Variants in RDH13 observed in about 807,000 individuals in gnomAD.
RDH13 encodes the protein retinol dehydrogenase 13.
Under a neutral mutation model 28.3 loss-of-function variants are expected in RDH13, and 35 were observed. That is an observed-to-expected ratio of 1.24 (90% CI 0.95 to 1.64). The LOEUF (loss-of-function observed/expected upper bound fraction) is 1.64. RDH13 is among the 40% of genes most tolerant of loss of function. The pLI, the probability that RDH13 is intolerant of heterozygous loss-of-function variation, is 0.00. For missense variants in RDH13, 514 were observed against 446.3 expected, an observed-to-expected ratio of 1.15 and a Z score of -1.37; for synonymous variants, 229 against 198.5, an observed-to-expected ratio of 1.15 and a Z score of -1.29.
chr19:55,049,213 G>A (rs2075346569), intron 3 of RDH13, among the ~76,000 whole-genome samples: 1 of 152,128 alleles, frequency 6.6e-6, no homozygotes, highest in African/African-American at 2.4e-5. Context: ...AGCAGCTCCA[G>A]GACACTCACA....
chr19:55,044,981 C>G lies in RDH13; in HGVS notation c.*93G>C, dbSNP rs1602695380. ...CATGGCGGCCGCCAGTCCTGGGTCT[C>G]CCGGCTCAGGTAGTGCCAGGAAGCT... is the stretch of plus-strand genomic sequence containing the variant. On this transcript the variant is annotated 3_prime_UTR_variant, in exon 7 of 7. Transcript: ENST00000415061. The G allele has an allele frequency of 1.1e-5, 11 of 984,042 alleles. No individual in the cohort carries two copies. The East Asian group carries it at 2.5e-4, about 23-fold the overall frequency. The allele number at this position is 984,042 out of a possible 1,614,324, so 61.0% of individuals were successfully genotyped here. A position where few individuals can be genotyped will look rare whatever the true frequency, so the allele number is the denominator to read the frequency against.
intron 2 of RDH13, among the ~76,000 whole-genome samples, chr19:55,057,727 C>T (rs1466960101): frequency 6.6e-6 from 1 of 152,098 alleles, no homozygotes; most frequent in Non-Finnish European, 1.5e-5. Context: ...AGCCACAATG[C>T]CCAGCCTCCA....
chr19:55,063,683 C>T (rs1042688387), upstream of RDH13: 33 of 151,438 alleles, frequency 2.2e-4, no homozygotes, highest in Middle Eastern at 3.3e-3. Flanking sequence ...CTTCTGGGTC[C>T]GAGGGAGGAG....
At chr19:55,047,159 C>T (rs984836507) in intron 6 of RDH13, 46 of 1,400,348 alleles carry the variant, frequency 3.3e-5, no homozygotes, top group Middle Eastern at 2.7e-4. Context: ...CTCTGAGACA[C>T]GGTTTTCTCA....
chr19:55,059,359 G>A (rs2075740341), intron 1 of RDH13, 84 bp from the exon 2 acceptor site: 1 of 846,568 alleles, frequency 1.2e-6, no homozygotes, highest in South Asian at 1.5e-5. Flanking sequence ...AGGCAACCTT[G>A]TCTGAGCTCA....
downstream of RDH13, among the ~76,000 whole-genome samples, chr19:55,043,685 G>A (rs895544250): frequency 6.6e-6 from 1 of 152,092 alleles, no homozygotes; most frequent in African/African-American, 2.4e-5. Flanking sequence ...TGTACTGTGG[G>A]ATATTGAGTA....
intron 3 of RDH13, among the ~76,000 whole-genome samples, chr19:55,052,560 A>C (rs953823273): frequency 1.4e-5 from 2 of 146,720 alleles, no homozygotes; most frequent in East Asian, 2.0e-4. Flanking sequence ...AAAAAAAAAA[A>C]TCCCTCACTG....
At chr19:55,062,210 C>T (rs2075829072) in intron 1 of RDH13, among the ~76,000 whole-genome samples, 1 of 138,770 alleles carries the variant, frequency 7.2e-6, no homozygotes. Flanking sequence ...AGGACGTGGA[C>T]CCCTCTACGG....
rs773126669 is a variant in RDH13 at position 55,063,070 on chromosome 19, C to T, written c.-38G>A. ...ACAGGCGTCAGGCGTCAGGGGTCGG[C>T]GCGGAGCTTGCTGCACACCAGCCGC... On this transcript the variant is annotated 5_prime_UTR_variant, in exon 1 of 7. Coordinates refer to ENST00000415061, the MANE Select transcript of RDH13 (RefSeq NM_001145971.2). 1 of 1,128,524 alleles carries T rather than the reference C, an allele frequency of 8.9e-7. No individual in the cohort carries two copies. The highest frequency in any genetic ancestry group is 1.1e-6 in the Non-Finnish European group (1 of 898,184). The allele number at this position is 1,128,524 out of a possible 1,614,324, so 69.9% of individuals were successfully genotyped here.
chr19:55,045,946 C>CAAAA (rs11356856), intron 6 of RDH13, among the ~76,000 whole-genome samples: 4 of 89,374 alleles, frequency 4.5e-5, no homozygotes, highest in African/African-American at 1.3e-4. Context: ...GACTTCGTCT[C>CAAAA]AAAAAAAAAA....
chr19:55,048,031 CT>C (rs1171540895), intron 5 of RDH13: 24 of 1,439,156 alleles, frequency 1.7e-5, no homozygotes, highest in Non-Finnish European at 2.1e-5. Flanking sequence ...AAAACTGCCC[CT>C]GGTTGAGACT....
chr19:55,048,302 G>C (rs767248180), intron 5 of RDH13, 27 bp downstream of exon 5: 30 of 1,613,356 alleles, frequency 1.9e-5, no homozygotes, highest in Non-Finnish European at 2.5e-5. Context: ...TAAAGCAAGA[G>C]GGAGGCCGAG....
At chr19:55,047,930 C>G in intron 5 of RDH13, 3 of 666,420 alleles carry the variant, frequency 4.5e-6, no homozygotes, top group Non-Finnish European at 6.9e-6. Context: ...ACATTGAGAG[C>G]ATCTGGGCCT....
intron 3 of RDH13, among the ~76,000 whole-genome samples, chr19:55,051,717 C>T (rs963951434): frequency 4.0e-5 from 6 of 150,418 alleles, no homozygotes; most frequent in South Asian, 2.1e-4. Context: ...TGTGAGCCAC[C>T]GCGCCCAGCC....
chr19:55,048,247 C>T (rs1156490444), intron 5 of RDH13, 82 bp downstream of exon 5: 2 of 1,587,846 alleles, frequency 1.3e-6, no homozygotes, highest in South Asian at 1.1e-5. Context: ...ACCGTTTGGC[C>T]TCCCATCAGC....
chr19:55,043,683 G>C (rs1015356401), downstream of RDH13, among the ~76,000 whole-genome samples: 1 of 152,050 alleles, frequency 6.6e-6, no homozygotes, highest in Non-Finnish European at 1.5e-5. Flanking sequence ...TGTGTACTGT[G>C]GGATATTGAG....
Position 55,059,245 on chromosome 19 carries a change from G to C in RDH13, c.96C>G (p.Ser32Arg), listed in dbSNP as rs1568728109. 1 of 1,603,070 alleles carries C rather than the reference G, an allele frequency of 6.2e-7. No homozygotes were observed. The highest frequency in any genetic ancestry group is 1.3e-5 in the African/African-American group (1 of 74,836). The change falls in exon 2 of 7, where the codon AGC becomes AGG. Residue 32 changes from serine to arginine, a missense_variant. Physicochemically the swap from Ser to Arg is moderately radical, Grantham distance 110. Coordinates refer to ENST00000415061, the MANE Select transcript of RDH13 (RefSeq NM_001145971.2). Reference sequence around the variant, plus strand: ...CCGTCTTCCCAGGGATGGTGGCCTTGCTGGGGCAAGCCCCACCGGTGACAT... The same window carrying C: ...CCGTCTTCCCAGGGATGGTGGCCTTCCTGGGGCAAGCCCCACCGGTGACAT... ...KDYVTGGACPSKATIPGKTVI... is the reference protein window; with the variant it reads ...KDYVTGGACPRKATIPGKTVI...
At chr19:55,068,099 C>T (rs941963909), upstream of RDH13, among the ~76,000 whole-genome samples, 1 of 148,408 alleles carries the variant, frequency 6.7e-6, no homozygotes, top group Non-Finnish European at 1.5e-5. Flanking sequence ...TCTTTCTCCT[C>T]TCACTCTTCC....
At chr19:55,047,134 C>T (rs912498387) in intron 6 of RDH13, 3 of 1,396,814 alleles carry the variant, frequency 2.1e-6, no homozygotes, top group African/African-American at 2.9e-5. Context: ...CAGGCGTCAG[C>T]TCCACGGCCT....
Sources: allele counts gnomAD v4.1 joint callset (sites outside exome capture counted in the v4.1 genomes callset), GRCh38; gene constraint gnomAD v4.1.1; transcripts MANE v1.5; gene names NCBI Gene and HGNC (gene_info 2026-07-23, HGNC 2026-07-21).